The following PAK3 variants were observed in gnomAD, a reference collection of about 807,000 sequenced individuals.
The protein encoded by PAK3 is p21 (RAC1) activated kinase 3.
A neutral mutation model predicts 41.0 loss-of-function variants in PAK3; 4 were observed. The ratio of observed to expected loss-of-function variants is 0.10; its 90% CI spans 0.05 to 0.22. The LOEUF is 0.22. Ranked by LOEUF, PAK3 falls within the 10% of genes least tolerant of loss-of-function variation. The pLI is 1.00. For missense variants in PAK3, 205 were observed against 409.9 expected (o/e 0.50, Z 4.32); for synonymous variants, 146 against 139.6 (o/e 1.05, Z -0.32).
chrX:110,978,124 G>T (rs1242431853), intron 1 of PAK3, among the ~76,000 whole-genome samples: 2 of 111,572 alleles, frequency 1.8e-5, no homozygotes, highest in Non-Finnish European at 3.8e-5. Context: ...GTCTTTCTCT[G>T]TGTCTATTGA....
At chrX:110,983,829 C>T (rs1315819719) in intron 1 of PAK3, among the ~76,000 whole-genome samples, 2 of 111,455 alleles carry the variant, frequency 1.8e-5, no homozygotes, top group African/African-American at 6.5e-5. Context: ...ATACATTCCT[C>T]TTCCAGTCAA....
chrX:111,161,583 GGTTTTT>G (rs2094189635), intron 8 of PAK3, among the ~76,000 whole-genome samples: 2 of 110,725 alleles, frequency 1.8e-5, no homozygotes, highest in African/African-American at 3.3e-5. Context: ...TTTCTTCCAG[GGTTTTT>G]ATGGTTTTAG....
At chrX:111,013,887 T>C (rs2092048804) in intron 1 of PAK3, 1 of 111,734 alleles carries the variant, frequency 8.9e-6, no homozygotes, top group African/African-American at 3.3e-5. Context: ...TCGCCCAACA[T>C]GGAATGACTT....
At chrX:110,978,041 C>T (rs1416582196) in intron 1 of PAK3, among the ~76,000 whole-genome samples, 1 of 111,918 alleles carries the variant, frequency 8.9e-6, no homozygotes, top group Non-Finnish European at 1.9e-5. Flanking sequence ...CTCTTTACCA[C>T]GTTGATGAAT....
At chrX:111,157,451 G>A (rs2094120794) in intron 8 of PAK3, among the ~76,000 whole-genome samples, 1 of 111,300 alleles carries the variant, frequency 9.0e-6, no homozygotes, top group African/African-American at 3.3e-5. Context: ...ACCTTTCCGG[G>A]GAGATAGACC....
rs2092231206 is a variant in PAK3, at chrX:111,023,949, T to C, written c.-28+79321T>C. 3.6e-5 allele frequency among the ~76,000 whole-genome samples: 4 copies of C among 112,163 alleles called. No homozygotes were observed. The Admixed American group carries it at 3.8e-4, about 11-fold the overall frequency. ...TTTGTTGCTGTTGCTTTTTGTGTTT[T>C]ACTCATGAAGTCTTTGCCCATGCCT... On this transcript the variant is annotated intron_variant, in intron 1 of 14. Transcript: ENST00000425146.
At chrX:111,029,213 C>G (rs1167725817) in intron 1 of PAK3, among the ~76,000 whole-genome samples, 1 of 111,705 alleles carries the variant, frequency 9.0e-6, no homozygotes, top group African/African-American at 3.3e-5. Context: ...CAAAGAGAAG[C>G]CTATAGGCAA....
At chrX:111,099,449 T>C (rs2093080720) in intron 3 of PAK3, among the ~76,000 whole-genome samples, 1 of 110,470 alleles carries the variant, frequency 9.1e-6, no homozygotes, top group Non-Finnish European at 1.9e-5. Flanking sequence ...AGATGGACCT[T>C]GAAAACTGGA....
rs780174205 is a variant in PAK3 at position 111,224,179 on chromosome X, T to C, written c.*3732T>C. The C allele has an allele frequency of 1.8e-5, 2 of 111,419 alleles. No homozygotes were observed. Among genetic ancestry groups the C allele is most frequent in the African/African-American group, 6.5e-5 (2 of 30,603 alleles). 9.2% of individuals were successfully genotyped at this position (111,419 alleles called of 1,213,427 possible). A position where few individuals can be genotyped will look rare whatever the true frequency, so the allele number is the denominator to read the frequency against. On this transcript the variant is annotated 3_prime_UTR_variant, in exon 18 of 18. Transcript: ENST00000372007. ...GGCACACGCTTTCTTAGGAGACTAT[T>C]ATCTATAAGTTAAAGCTAGGGAGAT...
intron 1 of PAK3, among the ~76,000 whole-genome samples, chrX:111,051,527 G>C (rs974528680): frequency 9.0e-6 from 1 of 111,482 alleles, no homozygotes; most frequent in African/African-American, 3.3e-5. Context: ...TGAACATTTC[G>C]AGATGTTTTT....
intron 16 of PAK3, among the ~76,000 whole-genome samples, chrX:111,196,918 C>G (rs868645004): frequency 3.1e-5 from 1 of 31,749 alleles, no homozygotes; most frequent in African/African-American, 1.1e-4. Context: ...TCATTTAATT[C>G]TTTTTTCCTT....
intron 11 of PAK3, among the ~76,000 whole-genome samples, chrX:111,188,402 G>A (rs2094532006): frequency 1.8e-5 from 2 of 110,319 alleles, no homozygotes. Flanking sequence ...AGCTTTAACT[G>A]GGGCAACTCC....
At chrX:110,959,727 G>A (rs377108893) in intron 1 of PAK3, among the ~76,000 whole-genome samples, 3 of 111,230 alleles carry the variant, frequency 2.7e-5, no homozygotes, top group Admixed American at 9.6e-5. Context: ...AGTGTAAGCC[G>A]CTCATTCTCC....
chrX:110,987,639 C>A (rs1200619976), intron 1 of PAK3, among the ~76,000 whole-genome samples: 1 of 111,385 alleles, frequency 9.0e-6, no homozygotes, highest in Non-Finnish European at 1.9e-5. Context: ...GAAAATAGAC[C>A]CACATATGCT....
At chrX:111,001,476 A>G (rs1194945501) in intron 1 of PAK3, among the ~76,000 whole-genome samples, 1 of 112,393 alleles carries the variant, frequency 8.9e-6, no homozygotes, top group Non-Finnish European at 1.9e-5. Flanking sequence ...AGCCTGTGAC[A>G]TCTTCCTGAT....
intron 5 of PAK3, among the ~76,000 whole-genome samples, chrX:111,124,895 T>A (rs1401229871): frequency 1.8e-5 from 2 of 111,642 alleles, no homozygotes; most frequent in Non-Finnish European, 3.8e-5. Flanking sequence ...TACCTTGAAT[T>A]CAAAGTCCTG....
intron 1 of PAK3, among the ~76,000 whole-genome samples, chrX:111,037,680 A>G (rs1477806851): frequency 9.0e-6 from 1 of 111,721 alleles, no homozygotes; most frequent in African/African-American, 3.2e-5. Flanking sequence ...AAATTAAAGC[A>G]TGCATGAATC....
intron 5 of PAK3, among the ~76,000 whole-genome samples, chrX:111,127,204 A>G (rs2093659436): frequency 8.9e-6 from 1 of 112,030 alleles, no homozygotes; most frequent in Non-Finnish European, 1.9e-5. Context: ...TCAATGGTGT[A>G]TAATATTTCA....
intron 16 of PAK3, among the ~76,000 whole-genome samples, chrX:111,210,302 T>A (rs2149378739): frequency 8.9e-6 from 1 of 111,859 alleles, no homozygotes; most frequent in East Asian, 2.8e-4. Flanking sequence ...TGTTTCAAGT[T>A]CCAGAGAACA....
Sources: gnomAD v4.1 joint callset for allele counts (sites outside exome capture counted in the v4.1 genomes callset) on GRCh38, gnomAD v4.1.1 for gene constraint, MANE v1.5 for transcripts, NCBI Gene and HGNC (gene_info 2026-07-23, HGNC 2026-07-21) for gene names.